Variants in CAMSAP1 observed in about 807,000 individuals in gnomAD.
CAMSAP1 encodes the protein calmodulin regulated spectrin associated protein 1.
Under a neutral mutation model 143.5 loss-of-function variants are expected in CAMSAP1, and 58 were observed. The observed-to-expected ratio is 0.40, with a 90% confidence interval of 0.33 to 0.50. The LOEUF (loss-of-function observed/expected upper bound fraction) is 0.50, where lower values mean the gene tolerates loss of function less well. CAMSAP1 is among the 20% of genes least tolerant of loss of function. The pLI, the probability that CAMSAP1 is intolerant of heterozygous loss-of-function variation, is 0.45. For missense variants in CAMSAP1, 1,969 were observed against 2,115.7 expected (o/e 0.93, Z 1.36); for synonymous variants, 945 against 859.3 (o/e 1.10, Z -1.74).
Position 135,815,866 on chromosome 9 carries a change from T to G in CAMSAP1, c.4387+24A>C, listed in dbSNP as rs1835211359. 5 of 1,601,940 alleles carry G rather than the reference T, an allele frequency of 3.1e-6. No individual in the cohort carries two copies. The South Asian group carries it at 5.5e-5, about 18-fold the overall frequency. ...GCGTATGGCCATGCCCACGATGACC[T>G]CTAAGGAGGGCGAACGCCGTCACCT... On this transcript the variant is annotated intron_variant, in intron 15 of 16. Coordinates refer to ENST00000389532, the MANE Select transcript of CAMSAP1 (RefSeq NM_015447.4).
intron 7 of CAMSAP1, among the ~76,000 whole-genome samples, chr9:135,828,361 G>A (rs74747876): frequency 1.1e-3 from 162 of 152,332 alleles, no homozygotes; most frequent in Non-Finnish European, 2.0e-3. Flanking sequence ...AAGTAAGGAC[G>A]AGCGGGTGGC....
intron 3 of CAMSAP1, among the ~76,000 whole-genome samples, chr9:135,878,286 G>A (rs1837819229): frequency 6.6e-6 from 1 of 152,152 alleles, no homozygotes; most frequent in African/African-American, 2.4e-5. Flanking sequence ...TGCAGGCAGG[G>A]GCAGGACAGA....
rs558980966 is a variant in CAMSAP1 at position 135,811,670 on chromosome 9, G to A, written c.4507-59C>T. 1.1e-4 allele frequency: 169 copies of A among 1,501,716 alleles called. 1 individual carries two copies. Among genetic ancestry groups the A allele is most frequent in the Admixed American group, 2.6e-4 (13 of 50,026 alleles). 93.0% of individuals were successfully genotyped at this position (1,501,716 alleles called of 1,614,324 possible). On this transcript the variant is annotated intron_variant, in intron 16 of 16. Coordinates refer to ENST00000389532, the MANE Select transcript of CAMSAP1 (RefSeq NM_015447.4). This position sits in a 1 kb window ranked among gnomAD's most constrained non-coding sequence, Gnocchi z 4.9. ...ACTTCAGGGCCACTCCAATTGCCAC[G>A]AGTTGGGCTCCCACAGCGGCTCAAC...
intron 1 of CAMSAP1, among the ~76,000 whole-genome samples, chr9:135,886,014 T>TGAAA (rs1838110230): frequency 6.6e-6 from 1 of 151,902 alleles, no homozygotes; most frequent in Admixed American, 6.6e-5. Context: ...GAGCTGGATG[T>TGAAA]GCACAGTTCT....
rs1248934410 is a variant in CAMSAP1 at position 135,810,908 on chromosome 9, G to A, written c.*401C>T. The A allele has an allele frequency of 4.6e-6, 1 of 215,732 alleles. No homozygotes were observed. The highest frequency in any genetic ancestry group is 9.4e-6 in the Non-Finnish European group (1 of 106,942). 13.4% of individuals were successfully genotyped at this position (215,732 alleles called of 1,614,324 possible). A position where few individuals can be genotyped will look rare whatever the true frequency, so the allele number is the denominator to read the frequency against. On this transcript the variant is annotated 3_prime_UTR_variant, in exon 17 of 17. Coordinates refer to ENST00000389532, the MANE Select transcript of CAMSAP1 (RefSeq NM_015447.4). ...ATGAGGGTGTCAGGCAATGTGCAAGGGGGCGAGGTGAGAAGCAAGAAAGCA... is the reference window on the plus strand; with the variant it reads ...ATGAGGGTGTCAGGCAATGTGCAAGAGGGCGAGGTGAGAAGCAAGAAAGCA...
At chr9:135,865,401 GC>G (rs1389610022) in intron 4 of CAMSAP1, 1 of 1,548,746 alleles carries the variant, frequency 6.5e-7, no homozygotes, top group African/African-American at 1.4e-5. Flanking sequence ...CAGGAGAGGA[GC>G]ATCAGCAGAG....
intron 1 of CAMSAP1, among the ~76,000 whole-genome samples, chr9:135,903,218 C>G (rs1340539056): frequency 6.6e-6 from 1 of 152,216 alleles, no homozygotes; most frequent in African/African-American, 2.4e-5. Context: ...AACTTTCCAC[C>G]AATTTATTAC....
rs148575874 is a variant in CAMSAP1 at position 135,856,847 on chromosome 9, G to C, written c.808+5620C>G. Among the ~76,000 whole-genome samples, 55 of 152,294 alleles carry C rather than the reference G, an allele frequency of 3.6e-4. No homozygotes were observed. In the East Asian group the frequency reaches 9.5e-3, roughly 26 times the overall value. On this transcript the variant is annotated intron_variant, in intron 5 of 16. Transcript: ENST00000389532. ...CCGGACAGGCCAACTGCCTCCTCCT[G>C]GTCTGTGCCTTTGTCCCACGCTCCT... is the stretch of plus-strand genomic sequence containing the variant.
chr9:135,875,541 T>C (rs1242573618), intron 3 of CAMSAP1, among the ~76,000 whole-genome samples: 2 of 152,182 alleles, frequency 1.3e-5, no homozygotes, highest in African/African-American at 4.8e-5. Context: ...ACAAAGGATA[T>C]GGCTGGAAGA....
chr9:135,860,557 A>G (rs59866798), intron 5 of CAMSAP1, among the ~76,000 whole-genome samples: 2,347 of 144,032 alleles, frequency 0.016, 15 homozygotes, highest in Middle Eastern at 0.053. Flanking sequence ...AAGATCACGC[A>G]GTTGCATTCC....
chr9:135,824,165 G>A lies in CAMSAP1; in HGVS notation c.1316-131C>T. The A allele has an allele frequency of 1.4e-6, 1 of 737,228 alleles. No homozygotes were observed. Among genetic ancestry groups the A allele is most frequent in the Admixed American group, 2.1e-5 (1 of 47,334 alleles). 45.7% of individuals were successfully genotyped at this position (737,228 alleles called of 1,614,324 possible). A position where few individuals can be genotyped will look rare whatever the true frequency, so the allele number is the denominator to read the frequency against. On this transcript the variant is annotated intron_variant, in intron 9 of 16. Coordinates refer to ENST00000389532, the MANE Select transcript of CAMSAP1 (RefSeq NM_015447.4). The surrounding 1 kb of genome is among the most constrained non-coding windows in gnomAD (Gnocchi z 4.1). ...CCAGAAGGGCCGCATGGAAAGCAGAGAGGCAAAACCATACAGTTGTCCCAC... is the reference window on the plus strand; with the variant it reads ...CCAGAAGGGCCGCATGGAAAGCAGAAAGGCAAAACCATACAGTTGTCCCAC...
rs760491796 is a variant in CAMSAP1 at position 135,820,822 on chromosome 9, T to C, written c.3822+17A>G. 1.2e-6 allele frequency: 2 copies of C among 1,609,976 alleles called. No individual in the cohort carries two copies. Among genetic ancestry groups the C allele is most frequent in the South Asian group, 1.1e-5 (1 of 90,842 alleles). ...ACACATCACGAGTGCCTGAAACAGA[T>C]GCTACCAATCCCTTACCTTGAAGAA... On this transcript the variant is annotated intron_variant, in intron 11 of 16. Transcript: ENST00000389532. The surrounding 1 kb of genome is among the most constrained non-coding windows in gnomAD (Gnocchi z 4.4).
At chr9:135,898,716 T>C (rs764456059) in intron 1 of CAMSAP1, among the ~76,000 whole-genome samples, 1 of 152,142 alleles carries the variant, frequency 6.6e-6, no homozygotes, top group Non-Finnish European at 1.5e-5. Flanking sequence ...ACTGACATCA[T>C]CAAGTGTTGG....
At chr9:135,831,120 C>T (rs529501626) in intron 7 of CAMSAP1, among the ~76,000 whole-genome samples, 20 of 152,168 alleles carry the variant, frequency 1.3e-4, no homozygotes, top group African/African-American at 4.8e-4. Context: ...TGCAGTGAGC[C>T]GAGATCGCTC....
rs545192159 is a variant in CAMSAP1 at position 135,817,718 on chromosome 9, TGAA to T, written c.4271+256_4271+258del. On this transcript the variant is annotated intron_variant, in intron 14 of 16. Transcript: ENST00000389532. Reference sequence around the variant, plus strand: ...TTGGACTCCAACGGACTCAAAACGATGAAGAAGCAGGTGTGCACGTGTGGGGTG... The same window carrying T: ...TTGGACTCCAACGGACTCAAAACGATGAAGCAGGTGTGCACGTGTGGGGTG... The T allele has an allele frequency of 6.6e-4, 273 of 415,892 alleles. 1 individual carries two copies. Among genetic ancestry groups the T allele is most frequent in the African/African-American group, 4.4e-3 (213 of 48,636 alleles). The allele number at this position is 415,892 out of a possible 1,614,324, so 25.8% of individuals were successfully genotyped here.
intron 5 of CAMSAP1, among the ~76,000 whole-genome samples, chr9:135,851,842 C>A (rs758136253): frequency 6.6e-6 from 1 of 152,254 alleles, no homozygotes; most frequent in Non-Finnish European, 1.5e-5. Context: ...ACAAAGCTTG[C>A]GTGTGCTGTC....
Position 135,820,389 on chromosome 9 carries a change from A to G in CAMSAP1, c.3822+450T>C, listed in dbSNP as rs147702436. Reference sequence around the variant, plus strand: ...TATCTAAGGAAAAAATTACAAGAAAAACATACAAAAAATGTTTTTTGAAGT... The same window carrying G: ...TATCTAAGGAAAAAATTACAAGAAAGACATACAAAAAATGTTTTTTGAAGT... On this transcript the variant is annotated intron_variant, in intron 11 of 16. Transcript: ENST00000389532. This position sits in a 1 kb window ranked among gnomAD's most constrained non-coding sequence, Gnocchi z 4.4. 6.3e-3 allele frequency among the ~76,000 whole-genome samples: 961 copies of G among 152,198 alleles called. 3 individuals are homozygous for G. Among genetic ancestry groups the G allele is most frequent in the Middle Eastern group, 0.02 (6 of 294 alleles).
At chr9:135,831,168 A>G (rs1295012793) in intron 7 of CAMSAP1, among the ~76,000 whole-genome samples, 2 of 152,260 alleles carry the variant, frequency 1.3e-5, no homozygotes, top group Non-Finnish European at 2.9e-5. Flanking sequence ...TCTCAAAAAA[A>G]TAAAAAAGTA....
chr9:135,883,499 C>T (rs1045074413), intron 1 of CAMSAP1, among the ~76,000 whole-genome samples: 6 of 152,280 alleles, frequency 3.9e-5, no homozygotes, highest in East Asian at 1.9e-4. Flanking sequence ...GGGACACCAG[C>T]GGAGACAGCA....
Sources: gnomAD v4.1 joint callset for allele counts (sites outside exome capture counted in the v4.1 genomes callset) on GRCh38, gnomAD v4.1.1 for gene constraint, Gnocchi (gnomAD v3.1) non-coding constraint, MANE v1.5 for transcripts, NCBI Gene and HGNC (gene_info 2026-07-23, HGNC 2026-07-21) for gene names.